Variants in ADD1 observed in about 807,000 individuals in gnomAD.
The protein encoded by ADD1 is adducin 1.
ADD1 carries 24 observed loss-of-function variants against 80.5 expected under a neutral mutation model. The observed-to-expected ratio is 0.30, with a 90% CI of 0.22 to 0.42. The LOEUF (loss-of-function observed/expected upper bound fraction) is 0.42. Among genes scored for constraint, ADD1 ranks in the 10% least tolerant of loss-of-function variants. The pLI is 1.00. For missense variants in ADD1, 948 were observed against 1,019.0 expected (o/e 0.93, Z 0.95); for synonymous variants, 373 against 393.8 (o/e 0.95, Z 0.63).
At chr4:2,870,585 A>G (rs1359191520) in intron 1 of ADD1, among the ~76,000 whole-genome samples, 1 of 152,244 alleles carries the variant, frequency 6.6e-6, no homozygotes, top group Non-Finnish European at 1.5e-5. Flanking sequence ...ATAATGCAAC[A>G]GAGTACTTTA....
intron 1 of ADD1, among the ~76,000 whole-genome samples, chr4:2,857,297 A>G (rs1392547433): frequency 6.6e-6 from 1 of 152,164 alleles, no homozygotes; most frequent in Non-Finnish European, 1.5e-5. Context: ...TAAAAATTCA[A>G]TTTAAATTTC....
chr4:2,853,588 ACTC>A (rs1424358120), intron 1 of ADD1: 19 of 150,536 alleles, frequency 1.3e-4, no homozygotes, highest in African/African-American at 4.4e-4. Context: ...GTTTGAAGAA[ACTC>A]TTCTGTTATT....
At chr4:2,863,713 C>T (rs1430488452) in intron 1 of ADD1, among the ~76,000 whole-genome samples, 2 of 142,026 alleles carry the variant, frequency 1.4e-5, no homozygotes, top group South Asian at 2.1e-4. Context: ...ATTACTACAC[C>T]TTGTTTTTTT....
intron 13 of ADD1, 111 bp from the exon 14 acceptor site, chr4:2,914,773 C>G: frequency 7.7e-7 from 1 of 1,304,128 alleles, no homozygotes; most frequent in Non-Finnish European, 1.1e-6. Context: ...TCTCAGGGGT[C>G]TCTGCTCCTG....
At chr4:2,880,816 G>GAA (rs1732187306) in intron 2 of ADD1, among the ~76,000 whole-genome samples, 1 of 151,856 alleles carries the variant, frequency 6.6e-6, no homozygotes, top group Non-Finnish European at 1.5e-5. Flanking sequence ...AATTATTTTA[G>GAA]TGCAGGTTGG....
chr4:2,880,727 G>A (rs1436232786), intron 2 of ADD1, among the ~76,000 whole-genome samples: 9 of 151,724 alleles, frequency 5.9e-5, no homozygotes, highest in Non-Finnish European at 8.8e-5. Flanking sequence ...CGCCCGCCTC[G>A]GCCTCCCAAA....
Position 2,907,869 on chromosome 4 carries a change from G to A in ADD1, c.1608+25G>A, listed in dbSNP as rs192416757. 8.6e-5 allele frequency: 137 copies of A among 1,592,008 alleles called. 1 individual carries two copies. The African/African-American group carries it at 1.5e-3, about 17-fold the overall frequency. ...GGTGCGTCCTGCGTCGGCACTCAGC[G>A]GGGGCTTGGGTGTGGGATTGGAAGG... On this transcript the variant is annotated intron_variant, in intron 11 of 15. Transcript: ENST00000683351.
intron 5 of ADD1, 79 bp downstream of exon 5, chr4:2,894,172 T>C (rs1306472233): frequency 8.5e-7 from 1 of 1,180,934 alleles, no homozygotes. Context: ...CAGCTAAATA[T>C]GTAAAACCCA....
intron 1 of ADD1, among the ~76,000 whole-genome samples, chr4:2,875,119 C>T (rs969716644): frequency 2.0e-5 from 3 of 152,032 alleles, no homozygotes; most frequent in East Asian, 1.9e-4. Flanking sequence ...GTCCCAGCTG[C>T]TTGGGAGGCT....
Position 2,885,812 on chromosome 4 carries a change from G to T in ADD1, c.510+1146G>T, listed in dbSNP as rs9761159. Among the ~76,000 whole-genome samples the T allele has an allele frequency of 1.4e-3, 208 of 150,640 alleles. 1 individual carries two copies. The highest frequency in any genetic ancestry group is 6.8e-3 in the Middle Eastern group (2 of 294). On this transcript the variant is annotated intron_variant, in intron 4 of 15. Transcript: ENST00000683351. Reference sequence around the variant, plus strand: ...TTTTTAGTAGAGACGGGGTTTCACCGTGTTAGCCAGGATGGTCTCGATCTC... The same window carrying T: ...TTTTTAGTAGAGACGGGGTTTCACCTTGTTAGCCAGGATGGTCTCGATCTC...
intron 1 of ADD1, among the ~76,000 whole-genome samples, chr4:2,852,169 T>TC (rs1272933253): frequency 1.4e-5 from 1 of 72,884 alleles, no homozygotes; most frequent in East Asian, 5.1e-4. Context: ...TTTCTTTCTT[T>TC]CTTTCTTTCT....
rs1344052440 is a variant in ADD1 at position 2,894,102 on chromosome 4, G to A, written c.591+9G>A. 7 of 1,610,860 alleles carry A rather than the reference G, an allele frequency of 4.3e-6. No homozygotes were observed. Among genetic ancestry groups the A allele is most frequent in the Non-Finnish European group, 5.9e-6 (7 of 1,177,068 alleles). On this transcript the variant is annotated intron_variant, in intron 5 of 15. Coordinates refer to ENST00000683351, the MANE Select transcript of ADD1 (RefSeq NM_001354761.2). Reference sequence around the variant, plus strand: ...TGACTGCATCCAGTTTGGTAAGAATGTCCTTCTCTTTGGCAGCTTGTATGT... The same window carrying A: ...TGACTGCATCCAGTTTGGTAAGAATATCCTTCTCTTTGGCAGCTTGTATGT...
chr4:2,893,476 A>G (rs1040289652), intron 4 of ADD1, among the ~76,000 whole-genome samples: 3 of 151,924 alleles, frequency 2.0e-5, no homozygotes, highest in African/African-American at 7.2e-5. Context: ...AGCTGGTCAC[A>G]GTATTGTGCG....
intron 1 of ADD1, among the ~76,000 whole-genome samples, chr4:2,845,504 T>C (rs982163452): frequency 6.6e-6 from 1 of 152,220 alleles, no homozygotes. Flanking sequence ...TTTACAATGG[T>C]ATGGACAGCT....
chr4:2,879,207 TA>T (rs1466596182), intron 2 of ADD1, among the ~76,000 whole-genome samples: 1 of 152,164 alleles, frequency 6.6e-6, no homozygotes, highest in Non-Finnish European at 1.5e-5. Context: ...AGCCAAACGT[TA>T]AGATCCAGAT....
intron 1 of ADD1, among the ~76,000 whole-genome samples, chr4:2,867,617 A>G (rs1055672160): frequency 3.3e-5 from 5 of 152,248 alleles, no homozygotes; most frequent in Non-Finnish European, 5.9e-5. Context: ...CAGCTATGTA[A>G]TTGTATAAAA....
chr4:2,910,401 T>C lies in ADD1; in HGVS notation c.1791+970T>C, dbSNP rs115529878. 2.5e-3 allele frequency among the ~76,000 whole-genome samples: 386 copies of C among 152,304 alleles called. 4 individuals carry two copies. Among genetic ancestry groups the C allele is most frequent in the African/African-American group, 8.9e-3 (370 of 41,550 alleles). On this transcript the variant is annotated intron_variant, in intron 13 of 15. Coordinates refer to ENST00000683351, the MANE Select transcript of ADD1 (RefSeq NM_001354761.2). Reference sequence around the variant, plus strand: ...TAACATTATTTTGCATATTTACTTATTAATTCCACAGGTCCTGTTTTTCCC... The same window carrying C: ...TAACATTATTTTGCATATTTACTTACTAATTCCACAGGTCCTGTTTTTCCC...
chr4:2,864,333 A>C (rs1729230605), intron 1 of ADD1, among the ~76,000 whole-genome samples: 2 of 152,142 alleles, frequency 1.3e-5, no homozygotes. Context: ...GAATTGCTTG[A>C]ACCCGGGAGG....
At chr4:2,908,340 C>T (rs1737410424) in intron 11 of ADD1, among the ~76,000 whole-genome samples, 175 bp from the exon 12 acceptor site, 1 of 152,266 alleles carries the variant, frequency 6.6e-6, no homozygotes, top group Non-Finnish European at 1.5e-5. Context: ...CCACGCCCCA[C>T]TAAGCAGGCA....
Sources: gnomAD v4.1 joint callset for allele counts (sites outside exome capture counted in the v4.1 genomes callset) on GRCh38, gnomAD v4.1.1 for gene constraint, MANE v1.5 for transcripts, NCBI Gene and HGNC (gene_info 2026-07-23, HGNC 2026-07-21) for gene names.